TMEM45A: variants seen among roughly 807,000 people sequenced by gnomAD.
TMEM45A encodes the protein DNA polymerase-transactivated protein 4.
In TMEM45A, 25 loss-of-function variants were observed where a neutral mutation model predicts 32.0. That is an observed-to-expected ratio of 0.78 (90% confidence interval 0.57 to 1.09). TMEM45A has a LOEUF of 1.09. TMEM45A is among the 50% of genes least tolerant of loss of function. The pLI is 0.00. For synonymous variants in TMEM45A, 122 were observed against 114.8 expected, an observed-to-expected ratio of 1.06 and a Z score of -0.40; for missense variants, 302 against 325.0, an observed-to-expected ratio of 0.93 and a Z score of 0.54.
chr3:100,508,148 A>C (rs1293305205), intron 1 of TMEM45A, among the ~76,000 whole-genome samples: 1 of 152,058 alleles, frequency 6.6e-6, no homozygotes, highest in Non-Finnish European at 1.5e-5. Flanking sequence ...ACCATGGACT[A>C]CTGCAATCCT....
At position 100,519,648 on chromosome 3, in the gene TMEM45A, T is replaced by C. The variant is rs762856920; in HGVS notation, c.-4+26720T>C. ...TCTGCAGTAACCTTTGGTGTGATAA[T>C]GTGAAAAGAGCAAGAACTTTTGATT... On this transcript the variant is annotated intron_variant, in intron 1 of 5. Coordinates refer to ENST00000323523, the MANE Select transcript of TMEM45A (RefSeq NM_018004.3). 44 of 1,544,826 alleles carry C rather than the reference T, an allele frequency of 2.8e-5. No homozygotes were observed. The African/African-American group carries it at 4.9e-4, about 17-fold the overall frequency.
intron 2 of TMEM45A, among the ~76,000 whole-genome samples, chr3:100,555,736 T>A (rs1423635178): frequency 2.0e-5 from 3 of 152,174 alleles, no homozygotes; most frequent in African/African-American, 7.2e-5. Flanking sequence ...AAATGTTCTG[T>A]GTTCTTGAGA....
chr3:100,518,760 A>G (rs903273378), intron 1 of TMEM45A, among the ~76,000 whole-genome samples: 2 of 152,200 alleles, frequency 1.3e-5, no homozygotes, highest in African/African-American at 2.4e-5. Context: ...GTGGGTTAAG[A>G]TAAGCATGAG....
intron 1 of TMEM45A, among the ~76,000 whole-genome samples, chr3:100,523,660 T>TC (rs1705478975): frequency 6.6e-6 from 1 of 150,980 alleles, no homozygotes; most frequent in Non-Finnish European, 1.5e-5. Context: ...CTCCTCCTTC[T>TC]CTTCTTCCTC....
intron 4 of TMEM45A, among the ~76,000 whole-genome samples, chr3:100,567,889 AT>A (rs1706476055): frequency 6.6e-6 from 1 of 152,050 alleles, no homozygotes; most frequent in African/African-American, 2.4e-5. Flanking sequence ...GGTTCACGCC[AT>A]TCTCCTGCCT....
intron 5 of TMEM45A, chr3:100,573,619 C>T (rs1415223960): frequency 6.6e-6 from 1 of 152,060 alleles, no homozygotes; most frequent in East Asian, 1.9e-4. Flanking sequence ...ATTGCCCTGG[C>T]CAGAACTTCC....
chr3:100,504,076 T>G (rs530741205), intron 1 of TMEM45A, among the ~76,000 whole-genome samples: 1 of 152,262 alleles, frequency 6.6e-6, no homozygotes, highest in South Asian at 2.1e-4. Flanking sequence ...TTCCTCTTAC[T>G]GTCCATTTGT....
intron 1 of TMEM45A, among the ~76,000 whole-genome samples, chr3:100,543,035 T>C (rs1232130197): frequency 1.3e-5 from 2 of 152,296 alleles, no homozygotes; most frequent in East Asian, 3.9e-4. Flanking sequence ...CTGAATCATA[T>C]ATCCACTAAA....
At chr3:100,538,244 T>A (rs1175551995) in intron 1 of TMEM45A, among the ~76,000 whole-genome samples, 1 of 152,254 alleles carries the variant, frequency 6.6e-6, no homozygotes, top group Non-Finnish European at 1.5e-5. Context: ...AAAAATATTC[T>A]ATTGCTTCTT....
intron 1 of TMEM45A, among the ~76,000 whole-genome samples, chr3:100,548,983 C>T (rs931775437): frequency 2.0e-5 from 3 of 152,198 alleles, no homozygotes; most frequent in African/African-American, 4.8e-5. Flanking sequence ...CATGCTGGCT[C>T]ATGCCTGTAA....
intron 1 of TMEM45A, among the ~76,000 whole-genome samples, chr3:100,524,945 T>G (rs1705512046): frequency 6.6e-6 from 1 of 152,070 alleles, no homozygotes; most frequent in Admixed American, 6.6e-5. Context: ...ATCCCAGCAC[T>G]TTGGGAGGCA....
chr3:100,563,099 G>A (rs1337144789), intron 4 of TMEM45A, among the ~76,000 whole-genome samples: 1 of 152,162 alleles, frequency 6.6e-6, no homozygotes, highest in Non-Finnish European at 1.5e-5. Context: ...TTTTTCTTGG[G>A]GTCCAGAGGG....
intron 1 of TMEM45A, among the ~76,000 whole-genome samples, chr3:100,551,139 T>A (rs11713258): frequency 1.3e-4 from 19 of 150,596 alleles, no homozygotes; most frequent in African/African-American, 4.1e-4. Context: ...TCAGCCTCCC[T>A]AGTAGCTGGG....
At chr3:100,574,258 C>A (rs1442293000) in intron 5 of TMEM45A, 2 of 151,616 alleles carry the variant, frequency 1.3e-5, no homozygotes, top group Admixed American at 6.6e-5. Flanking sequence ...GCTAGCAAGA[C>A]TAATAAAGAA....
At position 100,568,852 on chromosome 3, in the gene TMEM45A, G is replaced by A. The variant is rs774148322; in HGVS notation, c.619G>A (p.Gly207Ser). ...ATTTGTCCTGTATCCCCCCAGTGGA[G>A]GTCCTGCATGGGATCTGATGGATCA... is the stretch of plus-strand genomic sequence containing the variant. Reference protein sequence around the residue: ...IGFVLYPPSGGPAWDLMDHEN... With the variant: ...IGFVLYPPSGSPAWDLMDHEN... Residue 207 changes from glycine (G) to serine (S), a missense_variant, in exon 5 of 6, where the codon GGT becomes AGT. By Grantham distance (56) the Gly-to-Ser change is moderately conservative (BLOSUM62 0). Coordinates refer to ENST00000323523, the MANE Select transcript of TMEM45A (RefSeq NM_018004.3). 2.1e-5 allele frequency: 34 copies of A among 1,613,014 alleles called. No homozygotes were observed. The highest frequency in any genetic ancestry group is 2.9e-5 in the Non-Finnish European group (34 of 1,179,310).
At chr3:100,516,675 G>A (rs1450180876) in intron 1 of TMEM45A, among the ~76,000 whole-genome samples, 2 of 152,124 alleles carry the variant, frequency 1.3e-5, no homozygotes, top group Non-Finnish European at 2.9e-5. Flanking sequence ...ACTCAGAAAA[G>A]GCTATGATGG....
intron 1 of TMEM45A, among the ~76,000 whole-genome samples, 153 bp from the exon 2 acceptor site, chr3:100,555,056 T>C (rs1706185347): frequency 6.6e-6 from 1 of 152,244 alleles, no homozygotes; most frequent in Non-Finnish European, 1.5e-5. Context: ...TGGTATTTAC[T>C]AGTATGCACA....
At chr3:100,552,639 G>A (rs543431776) in intron 1 of TMEM45A, among the ~76,000 whole-genome samples, 2 of 152,184 alleles carry the variant, frequency 1.3e-5, no homozygotes, top group African/African-American at 4.8e-5. Context: ...TTATTTTCTG[G>A]CAGTAGGTGG....
chr3:100,527,008 T>C (rs1705557070), intron 1 of TMEM45A, among the ~76,000 whole-genome samples: 1 of 152,204 alleles, frequency 6.6e-6, no homozygotes, highest in Non-Finnish European at 1.5e-5. Flanking sequence ...AAAATAGGTA[T>C]TTAAAATACA....
Sources: allele counts gnomAD v4.1 joint callset (sites outside exome capture counted in the v4.1 genomes callset), GRCh38; gene constraint gnomAD v4.1.1; transcripts MANE v1.5; gene names NCBI Gene and HGNC (gene_info 2026-07-23, HGNC 2026-07-21).